Variants in TBC1D5 observed in about 807,000 individuals in gnomAD.
The protein encoded by TBC1D5 is TBC1 domain family, member 5.
A neutral mutation model predicts 100.3 loss-of-function variants in TBC1D5; 75 were observed. That is an observed-to-expected ratio of 0.75 (90% CI 0.62 to 0.91). The LOEUF is 0.91. TBC1D5 is among the 40% of genes least tolerant of loss of function. TBC1D5 has a pLI of 0.00. For synonymous variants in TBC1D5, 323 were observed against 325.6 expected (o/e 0.99, Z 0.09); for missense variants, 910 against 942.4 (o/e 0.97, Z 0.45).
chr3:17,711,448 T>C (rs1052557261), intron 1 of TBC1D5, among the ~76,000 whole-genome samples: 1 of 152,156 alleles, frequency 6.6e-6, no homozygotes, highest in Non-Finnish European at 1.5e-5. Flanking sequence ...TATTCCTCCA[T>C]AATTCTAATC....
chr3:17,673,850 G>T (rs998379339), intron 1 of TBC1D5, among the ~76,000 whole-genome samples: 3 of 152,018 alleles, frequency 2.0e-5, no homozygotes, highest in African/African-American at 7.2e-5. Flanking sequence ...CAAGTTCTCA[G>T]GAGATCTCAT....
chr3:17,281,484 G>A (rs892704443), intron 15 of TBC1D5, among the ~76,000 whole-genome samples: 2 of 152,186 alleles, frequency 1.3e-5, no homozygotes, highest in African/African-American at 4.8e-5. Context: ...GGAGCTTGGA[G>A]GCTCACCCAC....
intron 2 of TBC1D5, among the ~76,000 whole-genome samples, chr3:17,526,628 C>G (rs1026067082): frequency 3.3e-5 from 5 of 152,182 alleles, no homozygotes; most frequent in Non-Finnish European, 7.3e-5. Flanking sequence ...GGTGAATACT[C>G]AATTCACAGG....
At chr3:17,170,362 T>G (rs2067051445) in intron 19 of TBC1D5, among the ~76,000 whole-genome samples, 1 of 152,022 alleles carries the variant, frequency 6.6e-6, no homozygotes, top group African/African-American at 2.4e-5. Flanking sequence ...ATCAGGACAT[T>G]TGGAGGAAGA....
chr3:17,740,220 TG>T (rs2077305125), exon 1 of TBC1D5: 1 of 149,920 alleles, frequency 6.7e-6, no homozygotes, highest in Non-Finnish European at 1.5e-5. Flanking sequence ...CCTGGCTACC[TG>T]GGAGGCTGAG....
intron 15 of TBC1D5, among the ~76,000 whole-genome samples, chr3:17,285,507 G>A (rs1015827167): frequency 3.3e-5 from 5 of 151,818 alleles, no homozygotes; most frequent in Admixed American, 1.3e-4. Flanking sequence ...TGATCCGCCC[G>A]CCTCGGCCTC....
intron 15 of TBC1D5, among the ~76,000 whole-genome samples, chr3:17,264,572 G>C (rs1054396793): frequency 2.0e-5 from 3 of 152,132 alleles, no homozygotes; most frequent in Non-Finnish European, 4.4e-5. Context: ...AAAAGCACTA[G>C]GGTAAATATA....
At position 17,390,518 on chromosome 3, in the gene TBC1D5, C is replaced by G. The variant is rs1490058783; in HGVS notation, c.510-6503G>C. Among the ~76,000 whole-genome samples the G allele has an allele frequency of 2.0e-5, 3 of 152,002 alleles. No homozygotes were observed. In the East Asian group the frequency reaches 5.8e-4, roughly 29 times the overall value. ...ATGAAATACTGAAGATGCAAGTATT[C>G]AATAAGATGCCCCAGGGGAAAAAGG... is the stretch of plus-strand genomic sequence containing the variant. On this transcript the variant is annotated intron_variant, in intron 8 of 21. Coordinates refer to ENST00000253692, the Ensembl canonical transcript of TBC1D5.
chr3:17,497,470 C>T lies in TBC1D5; in HGVS notation c.97+11004G>A, dbSNP rs962961601. Among the ~76,000 whole-genome samples the T allele has an allele frequency of 2.0e-5, 3 of 152,314 alleles. No homozygotes were observed. In the South Asian group the frequency reaches 6.2e-4, roughly 32 times the overall value. On this transcript the variant is annotated intron_variant, in intron 3 of 21. Coordinates refer to ENST00000253692, the Ensembl canonical transcript of TBC1D5. Reference sequence around the variant, plus strand: ...TGAACATCAGGTCTTTGGGCGGCAGCCCTCACTCTGTATGATAAAATATAT... The same window carrying T: ...TGAACATCAGGTCTTTGGGCGGCAGTCCTCACTCTGTATGATAAAATATAT...
At chr3:17,544,144 A>C (rs2096389034) in intron 2 of TBC1D5, among the ~76,000 whole-genome samples, 1 of 152,136 alleles carries the variant, frequency 6.6e-6, no homozygotes, top group Non-Finnish European at 1.5e-5. Context: ...TTCGGATTAC[A>C]GATGTGGGCC....
intron 18 of TBC1D5, 99 bp from the exon 20 acceptor site, chr3:17,185,307 T>C: frequency 2.2e-6 from 2 of 910,370 alleles, no homozygotes; most frequent in Non-Finnish European, 3.2e-6. Flanking sequence ...AGAAGCATGA[T>C]ACCTTTTTAA....
chr3:17,706,326 C>A (rs1192559284), intron 1 of TBC1D5: 1 of 1,406,614 alleles, frequency 7.1e-7, no homozygotes, highest in Non-Finnish European at 9.5e-7. Flanking sequence ...GAACTGTATA[C>A]CTTTGTGAAA....
chr3:17,657,995 T>C (rs2066254919), intron 1 of TBC1D5, among the ~76,000 whole-genome samples: 1 of 152,218 alleles, frequency 6.6e-6, no homozygotes, highest in Admixed American at 6.5e-5. Context: ...TTACTGTTCC[T>C]TTTCTATGTT....
chr3:17,551,174 A>G (rs915983819), intron 2 of TBC1D5, among the ~76,000 whole-genome samples: 2 of 152,140 alleles, frequency 1.3e-5, no homozygotes, highest in African/African-American at 4.8e-5. Flanking sequence ...CAACAAGCTA[A>G]TTTGGGTTCC....
At chr3:17,546,559 T>C (rs570932938) in intron 2 of TBC1D5, among the ~76,000 whole-genome samples, 1 of 150,712 alleles carries the variant, frequency 6.6e-6, no homozygotes, top group South Asian at 2.1e-4. Context: ...AGCTCAGGAG[T>C]TTGAAACCAA....
chr3:17,562,627 C>T (rs757127810), intron 2 of TBC1D5, among the ~76,000 whole-genome samples: 2 of 151,972 alleles, frequency 1.3e-5, no homozygotes, highest in Non-Finnish European at 2.9e-5. Flanking sequence ...AAACCAATAC[C>T]AACCATAACT....
At chr3:17,599,489 C>A (rs2060791483) in intron 2 of TBC1D5, among the ~76,000 whole-genome samples, 1 of 152,128 alleles carries the variant, frequency 6.6e-6, no homozygotes, top group Non-Finnish European at 1.5e-5. Context: ...CCACTGAGAG[C>A]CACCTCCATC....
At chr3:17,487,565 A>G (rs778736127) in intron 3 of TBC1D5, among the ~76,000 whole-genome samples, 18 of 152,190 alleles carry the variant, frequency 1.2e-4, no homozygotes, top group Non-Finnish European at 2.2e-4. Context: ...TAGGAGTGAG[A>G]CTGAGAACTA....
At chr3:17,554,940 C>A (rs1405852902) in intron 2 of TBC1D5, among the ~76,000 whole-genome samples, 1 of 151,894 alleles carries the variant, frequency 6.6e-6, no homozygotes, top group Admixed American at 6.6e-5. Context: ...ACCTCCGCCT[C>A]CCAGGTTCAA....
Sources: allele counts gnomAD v4.1 joint callset (sites outside exome capture counted in the v4.1 genomes callset), GRCh38; gene constraint gnomAD v4.1.1; transcripts MANE v1.5; gene names NCBI Gene and HGNC (gene_info 2026-07-23, HGNC 2026-07-21).